Variants in PPME1 observed in about 807,000 individuals in gnomAD.
PPME1 encodes testicular secretory protein Li 39.
In PPME1, 17 loss-of-function variants were observed where a neutral mutation model predicts 56.9. The ratio of observed to expected loss-of-function variants is 0.30; its 90% CI spans 0.20 to 0.45. PPME1 has a LOEUF of 0.45. PPME1 is among the 20% of genes least tolerant of loss of function. The probability of loss-of-function intolerance (pLI) is 1.00; values close to 1 mark genes in which losing one functional copy is unlikely to be tolerated. For missense variants in PPME1, 357 were observed against 483.2 expected (o/e 0.74, Z 2.45); for synonymous variants, 122 against 156.2 (o/e 0.78, Z 1.63).
chr11:74,204,006 C>A (rs925350012), intron 2 of PPME1, among the ~76,000 whole-genome samples, 185 bp downstream of exon 2: 2 of 152,106 alleles, frequency 1.3e-5, no homozygotes, highest in Non-Finnish European at 2.9e-5. Context: ...TTCTCTAATG[C>A]ATGGAGAAGG....
At chr11:74,206,810 TCCTC>T (rs1397296015) in intron 3 of PPME1, among the ~76,000 whole-genome samples, 1 of 150,926 alleles carries the variant, frequency 6.6e-6, no homozygotes, top group African/African-American at 2.5e-5. Context: ...CAAGCAGTCT[TCCTC>T]CCTCAGCCTT....
chr11:74,245,126 C>G (rs1301734180), intron 9 of PPME1, among the ~76,000 whole-genome samples: 5 of 151,782 alleles, frequency 3.3e-5, no homozygotes, highest in Admixed American at 3.3e-4. Context: ...GTGAGTTCTC[C>G]AATTTTGTTC....
At chr11:74,173,135 A>T (rs1468490443) in intron 1 of PPME1, among the ~76,000 whole-genome samples, 1 of 152,194 alleles carries the variant, frequency 6.6e-6, no homozygotes, top group African/African-American at 2.4e-5. Flanking sequence ...ATAGAAGGTA[A>T]AGTGAAGATT....
intron 9 of PPME1, among the ~76,000 whole-genome samples, chr11:74,244,287 G>C (rs1859451554): frequency 6.6e-6 from 1 of 152,196 alleles, no homozygotes; most frequent in South Asian, 2.1e-4. Context: ...TATGTACCCA[G>C]AAGTGGGATT....
At position 74,225,652 on chromosome 11, in the gene PPME1, C is replaced by T. The variant is rs558889248; in HGVS notation, c.398+396C>T. ...CTTCAGGTATCCTGCGTACATTCTT[C>T]GTCTTATGTCATAGAAAGATGAGAT... On this transcript the variant is annotated intron_variant, in intron 5 of 13. Transcript: ENST00000328257. 3.3e-5 allele frequency among the ~76,000 whole-genome samples: 5 copies of T among 152,214 alleles called. 1 individual carries two copies. In the South Asian group the frequency reaches 8.3e-4, roughly 25 times the overall value.
intron 3 of PPME1, among the ~76,000 whole-genome samples, chr11:74,221,169 T>G (rs1858790649): frequency 6.6e-6 from 1 of 152,184 alleles, no homozygotes; most frequent in South Asian, 2.1e-4. Flanking sequence ...CAAATATATA[T>G]TTTGTTTCTG....
intron 3 of PPME1, among the ~76,000 whole-genome samples, chr11:74,219,345 A>C (rs902609626): frequency 1.3e-5 from 2 of 152,024 alleles, no homozygotes; most frequent in African/African-American, 2.4e-5. Context: ...AAAAAAAAAA[A>C]AAAAACTAAA....
intron 13 of PPME1, 141 bp downstream of exon 13, chr11:74,251,856 C>A: frequency 9.7e-7 from 1 of 1,036,022 alleles, no homozygotes; most frequent in Non-Finnish European, 1.5e-6. Flanking sequence ...CAGTGAAGAG[C>A]CTGGCATGTC....
chr11:74,189,821 T>A (rs1857787294), intron 1 of PPME1, among the ~76,000 whole-genome samples: 1 of 152,200 alleles, frequency 6.6e-6, no homozygotes, highest in Non-Finnish European at 1.5e-5. Flanking sequence ...ATTTAGTATT[T>A]TGGGGGTTAG....
At chr11:74,214,414 G>A (rs1398803387) in intron 3 of PPME1, among the ~76,000 whole-genome samples, 1 of 152,132 alleles carries the variant, frequency 6.6e-6, no homozygotes, top group African/African-American at 2.4e-5. Context: ...TTTATTGAAA[G>A]AGTTAATAAC....
At chr11:74,194,310 C>G (rs1352211471) in intron 1 of PPME1, among the ~76,000 whole-genome samples, 1 of 152,026 alleles carries the variant, frequency 6.6e-6, no homozygotes, top group East Asian at 1.9e-4. Context: ...AGAAAGGTTT[C>G]CTACTGGGCT....
intron 3 of PPME1, among the ~76,000 whole-genome samples, chr11:74,214,688 G>GAAAA (rs532768564): frequency 7.2e-6 from 1 of 139,736 alleles, no homozygotes. Flanking sequence ...ATGCTGAAGG[G>GAAAA]AAAAAAAAAA....
At chr11:74,206,931 T>A (rs926832137) in intron 3 of PPME1, among the ~76,000 whole-genome samples, 1 of 152,204 alleles carries the variant, frequency 6.6e-6, no homozygotes, top group Non-Finnish European at 1.5e-5. Context: ...CTATGCTAAG[T>A]GCTTAAGTGG....
Position 74,246,139 on chromosome 11 carries a change from G to T in PPME1, c.898G>T (p.Gly300Cys). The stretch of plus-strand genomic sequence containing the variant: ...GGCAAAAACAGAAAAATACTGGGAC[G>T]GCTGGTTCCGAGGCTTATCCAATCT... ...ELAKTEKYWDGWFRGLSNLFL... is the reference protein window; with the variant it reads ...ELAKTEKYWDCWFRGLSNLFL... Residue 300 changes from glycine to cysteine, a missense_variant, in exon 10 of 14, where the codon GGC becomes TGC. Physicochemically the swap from Gly to Cys is radical, Grantham distance 159 (BLOSUM62 -3). Transcript: ENST00000328257. 6.4e-7 allele frequency: 1 copy of T among 1,557,258 alleles called. No homozygotes were observed. Among genetic ancestry groups the T allele is most frequent in the Non-Finnish European group, 8.7e-7 (1 of 1,149,748 alleles).
chr11:74,237,012 A>G (rs1859206942), intron 8 of PPME1, among the ~76,000 whole-genome samples: 1 of 150,802 alleles, frequency 6.6e-6, no homozygotes. Flanking sequence ...CTTTTAATCT[A>G]AGGTTCCACT....
In PPME1 at chr11:74,230,898, T is replaced by C; in HGVS notation, c.554-14T>C. 1.3e-6 allele frequency: 2 copies of C among 1,575,672 alleles called. No homozygotes were observed. Among genetic ancestry groups the C allele is most frequent in the Non-Finnish European group, 8.7e-7 (1 of 1,155,426 alleles). On this transcript the variant is annotated splice_polypyrimidine_tract_variant and intron_variant, in intron 6 of 13. Transcript: ENST00000328257. The surrounding 1 kb of genome is among the most constrained non-coding windows in gnomAD (Gnocchi z 4.9). ...AAGTTAAATATGTGGTTACAGTTTT[T>C]GTTTAACATCCAGGTACAGCTATGG... is the stretch of plus-strand genomic sequence containing the variant.
intron 3 of PPME1, among the ~76,000 whole-genome samples, chr11:74,210,297 T>C (rs1157788316): frequency 1.3e-5 from 2 of 152,208 alleles, no homozygotes; most frequent in Admixed American, 1.3e-4. Flanking sequence ...TGAAAACTCT[T>C]GGCCACTAGG....
At chr11:74,231,679 G>A (rs1351137396) in intron 7 of PPME1, among the ~76,000 whole-genome samples, 1 of 152,142 alleles carries the variant, frequency 6.6e-6, no homozygotes, top group Non-Finnish European at 1.5e-5. Context: ...GAGGTAAGAG[G>A]TTAGACTAGG....
intron 1 of PPME1, among the ~76,000 whole-genome samples, chr11:74,173,276 A>G (rs370971131): frequency 5.9e-5 from 9 of 152,204 alleles, no homozygotes; most frequent in African/African-American, 2.2e-4. Context: ...GTTGTTAAAT[A>G]TCTTAGTTGC....
Sources: gnomAD v4.1 joint callset for allele counts (sites outside exome capture counted in the v4.1 genomes callset) on GRCh38, gnomAD v4.1.1 for gene constraint, Gnocchi (gnomAD v3.1) non-coding constraint, MANE v1.5 for transcripts, NCBI Gene and HGNC (gene_info 2026-07-23, HGNC 2026-07-21) for gene names.